The following FBXW7 variants were observed in gnomAD, a reference collection of about 807,000 sequenced individuals.
FBXW7 encodes F-box and WD repeat domain containing 7.
Under a neutral mutation model 86.3 loss-of-function variants are expected in FBXW7, and 11 were observed. The observed-to-expected ratio is 0.13, with a 90% CI of 0.08 to 0.21. FBXW7 has a LOEUF of 0.21. FBXW7 is among the 10% of genes least tolerant of loss of function. The pLI, the probability that FBXW7 is intolerant of heterozygous loss-of-function variation, is 1.00. For missense variants in FBXW7, 488 were observed against 847.4 expected (o/e 0.58, Z 5.27); for synonymous variants, 313 against 297.9 (o/e 1.05, Z -0.52).
chr4:152,458,757 T>A (rs551931825), intron 2 of FBXW7, among the ~76,000 whole-genome samples: 8 of 152,014 alleles, frequency 5.3e-5, no homozygotes, highest in Non-Finnish European at 7.4e-5. Flanking sequence ...TACTTCTAAC[T>A]GGGAAAAAGA....
At position 152,322,687 on chromosome 4, in the gene FBXW7, C is replaced by A; in HGVS notation, c.*194G>T. ...ATGAGACAGCAGACGCCTCTCTTGT[C>A]AGTTATGGTTTGTCATCTCTTCTTC... On this transcript the variant is annotated 3_prime_UTR_variant, in exon 14 of 14. Coordinates refer to ENST00000281708, the MANE Select transcript of FBXW7 (RefSeq NM_001349798.2). 2 of 912,322 alleles carry A rather than the reference C, an allele frequency of 2.2e-6. No individual in the cohort carries two copies. The highest frequency in any genetic ancestry group is 3.1e-6 in the Non-Finnish European group (2 of 643,034). The allele number at this position is 912,322 out of a possible 1,614,324, so 56.5% of individuals were successfully genotyped here.
At chr4:152,471,217 T>C (rs1324798716) in intron 2 of FBXW7, among the ~76,000 whole-genome samples, 3 of 151,710 alleles carry the variant, frequency 2.0e-5, no homozygotes, top group Non-Finnish European at 2.9e-5. Flanking sequence ...ATTAGAGACC[T>C]ATATATATAA....
intron 2 of FBXW7, among the ~76,000 whole-genome samples, chr4:152,482,567 C>T (rs1744977771): frequency 1.3e-5 from 2 of 152,106 alleles, no homozygotes; most frequent in Non-Finnish European, 2.9e-5. Context: ...GAACTGGGAT[C>T]ATCTATTTTT....
intron 2 of FBXW7, among the ~76,000 whole-genome samples, chr4:152,529,788 T>A (rs886865696): frequency 6.6e-6 from 1 of 152,100 alleles, no homozygotes; most frequent in Non-Finnish European, 1.5e-5. Flanking sequence ...GGCAACATGA[T>A]GCATGGCCTT....
intron 2 of FBXW7, among the ~76,000 whole-genome samples, chr4:152,444,779 T>A (rs961627856): frequency 6.6e-6 from 1 of 152,234 alleles, no homozygotes; most frequent in Non-Finnish European, 1.5e-5. Flanking sequence ...TGCCCTGATG[T>A]AAACTGGTAC....
At position 152,411,324 on chromosome 4, in the gene FBXW7, T is replaced by C. The variant is rs1302126917; in HGVS notation, c.480A>G (p.Pro160=). 1.2e-6 allele frequency: 2 copies of C among 1,609,240 alleles called. No homozygotes were observed. Among genetic ancestry groups the C allele is most frequent in the Admixed American group, 1.7e-5 (1 of 59,386 alleles). The change falls in exon 4 of 14, where the codon CCA becomes CCG. Residue 160 remains proline (P), a synonymous_variant. Transcript: ENST00000281708. The stretch of plus-strand genomic sequence containing the variant: ...TCACTTTTGTTGTTTTTGTATAGAA[T>C]GGGGAGGAGAGTTGGTGAACGGGCA... ...VDLPVHQLSS[P]FYTKTTKMKR...
At chr4:152,488,388 A>G (rs1745540742) in intron 2 of FBXW7, among the ~76,000 whole-genome samples, 1 of 152,068 alleles carries the variant, frequency 6.6e-6, no homozygotes, top group East Asian at 1.9e-4. Context: ...TGTCTAACAT[A>G]ATCATGAATT....
intron 7 of FBXW7, among the ~76,000 whole-genome samples, chr4:152,335,590 C>T (rs1056654673): frequency 1.3e-5 from 2 of 152,198 alleles, no homozygotes; most frequent in African/African-American, 4.8e-5. Flanking sequence ...TCCTAAAGAT[C>T]ACTTCTGCCA....
At chr4:152,376,993 C>T (rs889938427) in intron 4 of FBXW7, among the ~76,000 whole-genome samples, 2 of 151,830 alleles carry the variant, frequency 1.3e-5, no homozygotes, top group Admixed American at 6.6e-5. Flanking sequence ...TATAAAGGGA[C>T]GGTGCTACAA....
At chr4:152,362,839 A>C (rs1321472235) in intron 4 of FBXW7, among the ~76,000 whole-genome samples, 4 of 151,470 alleles carry the variant, frequency 2.6e-5, no homozygotes, top group Non-Finnish European at 5.9e-5. Context: ...AAAAAAAAAA[A>C]AAAAAAAAAA....
At chr4:152,430,673 T>C (rs1049135476) in intron 2 of FBXW7, among the ~76,000 whole-genome samples, 1 of 152,124 alleles carries the variant, frequency 6.6e-6, no homozygotes, top group Non-Finnish European at 1.5e-5. Flanking sequence ...GTTTGGCTTT[T>C]TCAGTCACAG....
chr4:152,480,690 A>G (rs991249964), intron 2 of FBXW7, among the ~76,000 whole-genome samples: 1 of 152,226 alleles, frequency 6.6e-6, no homozygotes, highest in African/African-American at 2.4e-5. Context: ...AACAAGAAAG[A>G]GCCTTACTGC....
chr4:152,446,331 T>C (rs1402606220), intron 2 of FBXW7, among the ~76,000 whole-genome samples: 1 of 47,692 alleles, frequency 2.1e-5, no homozygotes, highest in East Asian at 8.6e-4. Context: ...AAAAAAGACA[T>C]AAAAAGTGAA....
Position 152,362,751 on chromosome 4 carries a change from C to T in FBXW7, c.502-12627G>A, listed in dbSNP as rs528497810. 9.8e-5 allele frequency among the ~76,000 whole-genome samples: 14 copies of T among 142,164 alleles called. No homozygotes were observed. The East Asian group carries it at 2.3e-3, about 23-fold the overall frequency. The allele number at this position is 142,164 out of a possible 152,430, so 93.3% of individuals were successfully genotyped here. A position where few individuals can be genotyped will look rare whatever the true frequency, so the allele number is the denominator to read the frequency against. ...GCTGAGGCAGAGAATTGCTCAAACC[C>T]GGGAGGCAGAGGATGCAGTGAGCCA... On this transcript the variant is annotated intron_variant, in intron 4 of 13. Transcript: ENST00000281708.
intron 2 of FBXW7, among the ~76,000 whole-genome samples, chr4:152,498,323 G>A (rs758686629): frequency 3.3e-5 from 5 of 151,982 alleles, no homozygotes; most frequent in Non-Finnish European, 5.9e-5. Context: ...ACATTAAGAA[G>A]ACAGTAATTC....
intron 4 of FBXW7, among the ~76,000 whole-genome samples, chr4:152,369,940 TAATG>T (rs1388751677): frequency 2.0e-5 from 3 of 151,998 alleles, no homozygotes; most frequent in African/African-American, 7.2e-5. Flanking sequence ...AGTTCCAACT[TAATG>T]AAGCAGTACC....
intron 2 of FBXW7, among the ~76,000 whole-genome samples, chr4:152,487,354 T>C (rs1745434643): frequency 6.6e-6 from 1 of 151,880 alleles, no homozygotes; most frequent in Admixed American, 6.6e-5. Context: ...AAACTAAACA[T>C]CATAAATAAT....
At chr4:152,420,506 T>C (rs2126913701) in intron 2 of FBXW7, among the ~76,000 whole-genome samples, 1 of 152,346 alleles carries the variant, frequency 6.6e-6, no homozygotes, top group East Asian at 1.9e-4. Context: ...TTTGGTTTAC[T>C]TTGCCCAGAT....
intron 2 of FBXW7, among the ~76,000 whole-genome samples, chr4:152,424,926 G>A (rs1353439376): frequency 1.3e-5 from 2 of 152,196 alleles, no homozygotes; most frequent in African/African-American, 2.4e-5. Context: ...CAGGTCACTG[G>A]TTGAGACATC....
Sources: allele counts gnomAD v4.1 joint callset (sites outside exome capture counted in the v4.1 genomes callset), GRCh38; gene constraint gnomAD v4.1.1; transcripts MANE v1.5; gene names NCBI Gene and HGNC (gene_info 2026-07-23, HGNC 2026-07-21).